LRGUK: variants seen among roughly 807,000 people sequenced by gnomAD.
LRGUK encodes the protein leucine rich repeats and guanylate kinase domain containing.
A neutral mutation model predicts 76.0 loss-of-function variants in LRGUK; 65 were observed. The observed-to-expected ratio is 0.85, with a 90% CI of 0.70 to 1.05. The LOEUF (loss-of-function observed/expected upper bound fraction) is 1.05, where lower values mean the gene tolerates loss of function less well. Among genes scored for constraint, LRGUK ranks in the 50% least tolerant of loss-of-function variants. The probability of loss-of-function intolerance (pLI) is 0.00; values close to 1 mark genes in which losing one functional copy is unlikely to be tolerated. For synonymous variants in LRGUK, 268 were observed against 265.6 expected (o/e 1.01, Z -0.09); for missense variants, 758 against 732.8 (o/e 1.03, Z -0.40).
downstream of LRGUK, among the ~76,000 whole-genome samples, chr7:134,213,932 T>A (rs751092206): frequency 3.2e-4 from 48 of 152,366 alleles, no homozygotes; most frequent in Non-Finnish European, 6.0e-4. Flanking sequence ...AAGGTGATCT[T>A]TATAGGAACA....
At chr7:134,193,041 A>T (rs886610721) in intron 12 of LRGUK, among the ~76,000 whole-genome samples, 23 of 152,140 alleles carry the variant, frequency 1.5e-4, no homozygotes, top group Admixed American at 1.4e-3. Flanking sequence ...AGTTTCTATG[A>T]GTTTAATTTT....
chr7:134,165,635 A>C (rs1033302014), intron 7 of LRGUK, among the ~76,000 whole-genome samples: 1 of 152,186 alleles, frequency 6.6e-6, no homozygotes, highest in Admixed American at 6.5e-5. Context: ...TCTACATACA[A>C]ACTTATTGAT....
chr7:134,127,406 T>G, exon 1 of LRGUK: 1 of 1,612,342 alleles, frequency 6.2e-7, no homozygotes, highest in Non-Finnish European at 8.5e-7. Flanking sequence ...GGACCAGAGC[T>G]GCCTCTCTCC....
intron 8 of LRGUK, 99 bp downstream of exon 8, chr7:134,174,735 A>T (rs1327581433): frequency 1.3e-6 from 1 of 743,024 alleles, no homozygotes; most frequent in African/African-American, 1.8e-5. Context: ...TTGATAAAAG[A>T]ATATCAGGAA....
intron 16 of LRGUK, among the ~76,000 whole-genome samples, chr7:134,243,873 G>A (rs13308713): frequency 0.072 from 10,985 of 152,026 alleles, 974 homozygotes; most frequent in African/African-American, 0.2. Flanking sequence ...AATGGAACAG[G>A]ATAGAGCCCT....
rs1285880340 is a variant in LRGUK, at chr7:134,166,203, A to G, written c.939+2663A>G. Among the ~76,000 whole-genome samples, 6 of 152,078 alleles carry G rather than the reference A, an allele frequency of 3.9e-5. No homozygotes were observed. The East Asian group carries it at 1.2e-3, about 29-fold the overall frequency. On this transcript the variant is annotated intron_variant, in intron 7 of 15. Coordinates refer to ENST00000645682, the Ensembl canonical transcript of LRGUK. ...ATATGATTAATCTGATGTTAAGAAT[A>G]TTGTTTTATTGGTAGCACTTCATCA...
intron 5 of LRGUK, among the ~76,000 whole-genome samples, chr7:134,156,697 T>C (rs548930262): frequency 5.4e-4 from 83 of 152,322 alleles, no homozygotes; most frequent in African/African-American, 1.9e-3. Flanking sequence ...TGGAATTCTA[T>C]GAGAATTTTT....
chr7:134,158,237 G>A (rs1486684803), intron 6 of LRGUK, 78 bp downstream of exon 6: 44 of 1,280,136 alleles, frequency 3.4e-5, no homozygotes, highest in Middle Eastern at 4.2e-4. Flanking sequence ...TGACTACTTA[G>A]GATTCAAATA....
At chr7:134,145,924 C>T (rs1339662875) in intron 4 of LRGUK, among the ~76,000 whole-genome samples, 1 of 152,136 alleles carries the variant, frequency 6.6e-6, no homozygotes, top group Non-Finnish European at 1.5e-5. Context: ...CTACTTTTTC[C>T]AAGCTCTAGG....
chr7:134,194,183 C>A (rs1800384144), intron 12 of LRGUK, among the ~76,000 whole-genome samples: 1 of 152,114 alleles, frequency 6.6e-6, no homozygotes, highest in Non-Finnish European at 1.5e-5. Context: ...GGAGGGAAAC[C>A]ACTTAATCCC....
At chr7:134,215,672 C>T (rs1585568273) in intron 15 of LRGUK, among the ~76,000 whole-genome samples, 1 of 151,956 alleles carries the variant, frequency 6.6e-6, no homozygotes, top group Non-Finnish European at 1.5e-5. Context: ...CATGACAAGC[C>T]CGAAAATCAT....
At chr7:134,250,032 A>C (rs1042659808) in intron 18 of LRGUK, among the ~76,000 whole-genome samples, 1 of 151,860 alleles carries the variant, frequency 6.6e-6, no homozygotes, top group African/African-American at 2.4e-5. Flanking sequence ...CTGTGGTCAG[A>C]CCAGTGACAG....
At chr7:134,276,592 A>G in the LRGUK span, among the ~76,000 whole-genome samples, 2 of 152,192 alleles carry the variant, frequency 1.3e-5, no homozygotes, top group Non-Finnish European at 2.9e-5. Flanking sequence ...TTGGAAGAGA[A>G]TTAATAATCA....
intron 1 of LRGUK, among the ~76,000 whole-genome samples, chr7:134,133,048 AG>A: frequency 6.6e-6 from 1 of 152,314 alleles, no homozygotes; most frequent in South Asian, 2.1e-4. Flanking sequence ...TCAGCTTTAC[AG>A]GGACTCCAGG....
chr7:134,185,312 G>A (rs1799939495), intron 11 of LRGUK, among the ~76,000 whole-genome samples: 2 of 152,122 alleles, frequency 1.3e-5, no homozygotes, highest in South Asian at 2.1e-4. Flanking sequence ...TCTAATCCCA[G>A]CACTTTGGGA....
chr7:134,249,800 T>C (rs1802399752), intron 18 of LRGUK, among the ~76,000 whole-genome samples: 1 of 152,200 alleles, frequency 6.6e-6, no homozygotes, highest in Non-Finnish European at 1.5e-5. Flanking sequence ...AACATTCTAC[T>C]ACATTTTGTT....
At chr7:134,134,838 A>T (rs1797458767) in intron 1 of LRGUK, among the ~76,000 whole-genome samples, 1 of 152,176 alleles carries the variant, frequency 6.6e-6, no homozygotes, top group Admixed American at 6.5e-5. Context: ...GGAATTTCTG[A>T]CTTCATCAAT....
chr7:134,265,067 C>CG (rs1262360252), downstream of LRGUK, among the ~76,000 whole-genome samples: 2 of 152,042 alleles, frequency 1.3e-5, no homozygotes, highest in Non-Finnish European at 2.9e-5. Context: ...GAGGGTGGAG[C>CG]GGGGGGACCA....
intron 15 of LRGUK, among the ~76,000 whole-genome samples, chr7:134,215,709 G>C (rs1174970108): frequency 1.3e-5 from 2 of 152,076 alleles, no homozygotes; most frequent in Non-Finnish European, 2.9e-5. Flanking sequence ...GATCCACCAA[G>C]TTCCACTTCA....
Sources: gnomAD v4.1 joint callset for allele counts (sites outside exome capture counted in the v4.1 genomes callset) on GRCh38, gnomAD v4.1.1 for gene constraint, MANE v1.5 for transcripts, NCBI Gene and HGNC (gene_info 2026-07-23, HGNC 2026-07-21) for gene names.